Variants in NQO1 observed in about 807,000 individuals in gnomAD.
The protein encoded by NQO1 is NAD(P)H quinone dehydrogenase 1, also known as NAD(P)H dehydrogenase [quinone] 1.
Under a neutral mutation model 32.1 loss-of-function variants are expected in NQO1, and 30 were observed. That is an observed-to-expected ratio of 0.94 (90% CI 0.70 to 1.27). NQO1 has a LOEUF of 1.27. NQO1 is among the 50% of genes most tolerant of loss of function. The pLI, the probability that NQO1 is intolerant of heterozygous loss-of-function variation, is 0.00. For missense variants in NQO1, 276 were observed against 331.3 expected (o/e 0.83, Z 1.30); for synonymous variants, 109 against 119.7 (o/e 0.91, Z 0.59).
intron 5 of NQO1, among the ~76,000 whole-genome samples, chr16:69,712,610 T>G (rs992613161): frequency 1.3e-5 from 2 of 152,246 alleles, no homozygotes; most frequent in South Asian, 4.1e-4. Context: ...ATTATGACCA[T>G]GCTTTCATCT....
chr16:69,721,406 G>A (rs967585767), intron 1 of NQO1, among the ~76,000 whole-genome samples: 4 of 152,118 alleles, frequency 2.6e-5, no homozygotes, highest in African/African-American at 7.2e-5. Flanking sequence ...ACCTCCCACC[G>A]TCTATGTAAG....
chr16:69,715,057 T>C lies in NQO1; in HGVS notation c.324A>G (p.Gly108=), dbSNP rs1332056053. ...ACCAGCCTTTCAGAATGGCAGGGACTCCAAACCACTGCAGGGGGAACTGTG... is the reference window on the plus strand; with the variant it reads ...ACCAGCCTTTCAGAATGGCAGGGACCCCAAACCACTGCAGGGGGAACTGTG... ...VIFQFPLQWF[G]VPAILKGWFE... Residue 108 remains glycine, a synonymous_variant, in exon 4 of 6, where the codon GGA becomes GGG. Transcript: ENST00000320623. 1 of 1,613,556 alleles carries C rather than the reference T, an allele frequency of 6.2e-7. No homozygotes were observed. Among genetic ancestry groups the C allele is most frequent in the African/African-American group, 1.3e-5 (1 of 75,028 alleles).
At chr16:69,724,838 A>T (rs2917671) in intron 1 of NQO1, among the ~76,000 whole-genome samples, 76,016 of 152,040 alleles carry the variant, frequency 0.5, 20,374 homozygotes, top group Non-Finnish European at 0.61. Context: ...CAAACAAAAA[A>T]CCTGGATGCT....
rs763224211 is a variant in NQO1, at chr16:69,713,011, A to C, written c.519+17T>G. 1 of 1,600,774 alleles carries C rather than the reference A, an allele frequency of 6.2e-7. No homozygotes were observed. Among genetic ancestry groups the C allele is most frequent in the South Asian group, 1.1e-5 (1 of 90,424 alleles). On this transcript the variant is annotated intron_variant, in intron 5 of 5. Coordinates refer to ENST00000320623, the MANE Select transcript of NQO1 (RefSeq NM_000903.3). ...CCGTCTCAAAGAAAAAAAAGAAAAG[A>C]AAAGAAAATGAGGTACCTGAATTGG... is the stretch of plus-strand genomic sequence containing the variant.
chr16:69,724,231 T>C (rs2038230889), intron 1 of NQO1, among the ~76,000 whole-genome samples: 1 of 152,078 alleles, frequency 6.6e-6, no homozygotes, highest in South Asian at 2.1e-4. Flanking sequence ...AAGAATCGTT[T>C]GAACCTGGGA....
chr16:69,715,102 G>GGTAA, intron 3 of NQO1, 25 bp from the exon 4 acceptor site: 1 of 1,575,168 alleles, frequency 6.3e-7, no homozygotes, highest in East Asian at 2.2e-5. Context: ...ACATCATTGA[G>GGTAA]GTAAGACCAG....
Position 69,713,233 on chromosome 16 carries a change from T to A in NQO1, c.418-104A>T, listed in dbSNP as rs908669004. The A allele has an allele frequency of 1.0e-5, 9 of 858,534 alleles. No individual in the cohort carries two copies. The African/African-American group carries it at 1.3e-4, about 13-fold the overall frequency. The allele number at this position is 858,534 out of a possible 1,614,324, so 53.2% of individuals were successfully genotyped here. On this transcript the variant is annotated intron_variant, in intron 4 of 5. Transcript: ENST00000320623. The stretch of plus-strand genomic sequence containing the variant: ...GGGAAAAGAACACACAAGTCTGTCC[T>A]ATTTGCTGTTTATATTACTTCATAC...
At chr16:69,717,009 T>A (rs1174231282) in intron 3 of NQO1, among the ~76,000 whole-genome samples, 1 of 151,672 alleles carries the variant, frequency 6.6e-6, no homozygotes, top group Non-Finnish European at 1.5e-5. Context: ...GTGGCTTTGA[T>A]TCTTAGCAAC....
chr16:69,711,893 A>G (rs2038046706), intron 5 of NQO1, among the ~76,000 whole-genome samples: 1 of 151,868 alleles, frequency 6.6e-6, no homozygotes, highest in Non-Finnish European at 1.5e-5. Flanking sequence ...ACCTCAAGTG[A>G]TCCGCCTGCC....
chr16:69,712,105 C>T (rs1049516760), intron 5 of NQO1, among the ~76,000 whole-genome samples: 4 of 152,080 alleles, frequency 2.6e-5, no homozygotes, highest in Non-Finnish European at 5.9e-5. Flanking sequence ...CCTTTTTCTT[C>T]GAAACAGGGT....
intron 3 of NQO1, among the ~76,000 whole-genome samples, chr16:69,717,532 A>T (rs2038130498): frequency 7.0e-6 from 1 of 143,210 alleles, no homozygotes; most frequent in African/African-American, 2.5e-5. Context: ...TCGCTAACTG[A>T]AGGGGAGACT....
rs371593714 is a variant in NQO1 at position 69,726,461 on chromosome 16, G to T, written c.-22C>A. 6.2e-7 allele frequency: 1 copy of T among 1,606,906 alleles called. No individual in the cohort carries two copies. Among genetic ancestry groups the T allele is most frequent in the South Asian group, 1.1e-5 (1 of 90,880 alleles). ...CCATGGCTCTGGTGCAGTCCGGGGC[G>T]CTGATTGGCTGGGCTCGTGGTTGCC... On this transcript the variant is annotated 5_prime_UTR_variant, in exon 1 of 6. Transcript: ENST00000320623.
chr16:69,725,261 G>A (rs1305241701), intron 1 of NQO1, among the ~76,000 whole-genome samples: 1 of 152,210 alleles, frequency 6.6e-6, no homozygotes, highest in Non-Finnish European at 1.5e-5. Context: ...GCTTCTTTGT[G>A]TACAGGCGCA....
chr16:69,725,701 C>T (rs2038251609), intron 1 of NQO1, among the ~76,000 whole-genome samples: 2 of 152,126 alleles, frequency 1.3e-5, no homozygotes, highest in African/African-American at 4.8e-5. Flanking sequence ...TTGGCGAAAC[C>T]CGTCTGTACT....
chr16:69,721,307 C>T (rs1322219896), intron 1 of NQO1, among the ~76,000 whole-genome samples: 1 of 152,102 alleles, frequency 6.6e-6, no homozygotes, highest in Non-Finnish European at 1.5e-5. Flanking sequence ...GGTGATTAGG[C>T]GAGGGGGTCT....
chr16:69,715,209 T>C, intron 3 of NQO1, 132 bp from the exon 4 acceptor site: 1 of 675,844 alleles, frequency 1.5e-6, no homozygotes, highest in Non-Finnish European at 2.7e-6. Flanking sequence ...CCATTCCTCC[T>C]GGGGAGTTAG....
intron 4 of NQO1, among the ~76,000 whole-genome samples, chr16:69,714,165 C>A (rs1399094432): frequency 6.7e-6 from 1 of 149,674 alleles, no homozygotes. Context: ...GTATGAGCCA[C>A]CGTGCTTGGC....
chr16:69,718,209 C>A lies in NQO1; in HGVS notation c.217G>T (p.Val73Phe). 1 of 1,614,166 alleles carries A rather than the reference C, an allele frequency of 6.2e-7. No homozygotes were observed. Among genetic ancestry groups the A allele is most frequent in the Non-Finnish European group, 8.5e-7 (1 of 1,180,026 alleles). ...PANFQYPAES[V>F]LAYKEGHLSP... The stretch of plus-strand genomic sequence containing the variant: ...AGATGGCCTTCTTTATAAGCCAGAA[C>A]AGACTCGGCAGGATACTGAAAGTTC... The change falls in exon 3 of 6, where the codon GTT becomes TTT. Residue 73 changes from valine to phenylalanine, a missense_variant. Physicochemically the swap from Val to Phe is conservative, Grantham distance 50. Coordinates refer to ENST00000320623, the MANE Select transcript of NQO1 (RefSeq NM_000903.3).
chr16:69,711,704 A>C (rs924102159), intron 5 of NQO1, among the ~76,000 whole-genome samples: 3 of 144,760 alleles, frequency 2.1e-5, no homozygotes. Flanking sequence ...TCCAGGCTGG[A>C]GTGCCATGGC....
Sources: gnomAD v4.1 joint callset for allele counts (sites outside exome capture counted in the v4.1 genomes callset) on GRCh38, gnomAD v4.1.1 for gene constraint, MANE v1.5 for transcripts, NCBI Gene and HGNC (gene_info 2026-07-23, HGNC 2026-07-21) for gene names.